SLC35D2: variants seen among roughly 807,000 people sequenced by gnomAD.
SLC35D2 encodes the protein solute carrier family 35 member D2.
A neutral mutation model predicts 41.8 loss-of-function variants in SLC35D2; 43 were observed. That is an observed-to-expected ratio of 1.03 (90% confidence interval 0.81 to 1.33). The LOEUF (loss-of-function observed/expected upper bound fraction) is 1.33, where lower values mean the gene tolerates loss of function less well. Ranked by LOEUF, SLC35D2 falls within the 40% of genes most tolerant of loss-of-function variation. The pLI, the probability that SLC35D2 is intolerant of heterozygous loss-of-function variation, is 0.00. For missense variants in SLC35D2, 380 were observed against 408.4 expected (o/e 0.93, Z 0.60); for synonymous variants, 150 against 163.9 (o/e 0.92, Z 0.65).
In SLC35D2 at chr9:96,323,238, C is replaced by T. The variant is rs1472488395; in HGVS notation, c.831+853G>A. On this transcript the variant is annotated intron_variant, in intron 10 of 11. Coordinates refer to ENST00000253270, the MANE Select transcript of SLC35D2 (RefSeq NM_007001.3). ...TTGAAGCAGGCAGTGTTTTCACACA[C>T]TCTAGGACTTCATGTGAATAGAAAA... Among the ~76,000 whole-genome samples the T allele has an allele frequency of 7.0e-4, 107 of 152,076 alleles. 1 individual carries two copies. Among genetic ancestry groups the T allele is most frequent in the Non-Finnish European group, 7.4e-5 (5 of 68,008 alleles).
chr9:96,319,019 A>G (rs1587821390), downstream of SLC35D2, among the ~76,000 whole-genome samples: 1 of 152,184 alleles, frequency 6.6e-6, no homozygotes, highest in African/African-American at 2.4e-5. Context: ...TTCTAGGCAT[A>G]TATCTAAAAA....
At chr9:96,321,515 GC>G (rs1301435350) in intron 11 of SLC35D2, among the ~76,000 whole-genome samples, 174 bp from the exon 12 acceptor site, 21 of 152,092 alleles carry the variant, frequency 1.4e-4, no homozygotes, top group Non-Finnish European at 2.9e-5. Flanking sequence ...TTATTTACAA[GC>G]CTTTGGAGGC....
intron 2 of SLC35D2, among the ~76,000 whole-genome samples, chr9:96,365,446 G>A (rs1475732972): frequency 1.3e-5 from 2 of 152,058 alleles, no homozygotes; most frequent in Non-Finnish European, 2.9e-5. Context: ...GAGGGAGAAA[G>A]GGAATGGTCT....
chr9:96,361,716 A>G (rs77929658), intron 3 of SLC35D2, among the ~76,000 whole-genome samples: 2 of 143,482 alleles, frequency 1.4e-5, no homozygotes, highest in African/African-American at 5.1e-5. Flanking sequence ...ACAAAAACAG[A>G]AAAAAAAAAA....
chr9:96,360,650 A>AAAAAG (rs1564116708), intron 3 of SLC35D2, among the ~76,000 whole-genome samples: 1 of 132,746 alleles, frequency 7.5e-6, no homozygotes, highest in African/African-American at 3.0e-5. Context: ...AAAAAAAAAA[A>AAAAAG]AAAAGAAAAG....
intron 8 of SLC35D2, among the ~76,000 whole-genome samples, chr9:96,337,732 A>C (rs531141527): frequency 2.0e-5 from 3 of 152,064 alleles, no homozygotes; most frequent in African/African-American, 7.2e-5. Flanking sequence ...TTGTAATCCC[A>C]GCACTTTGGG....
At chr9:96,324,378 C>T (rs1564084201) in intron 9 of SLC35D2, among the ~76,000 whole-genome samples, 1 of 152,160 alleles carries the variant, frequency 6.6e-6, no homozygotes, top group Non-Finnish European at 1.5e-5. Flanking sequence ...GCTAAACCTT[C>T]TACTTAAGGT....
intron 9 of SLC35D2, among the ~76,000 whole-genome samples, chr9:96,324,548 A>ATTTTTTTTTTTTTTTTTTTTT (rs1314032166): frequency 1.1e-5 from 1 of 88,480 alleles, no homozygotes; most frequent in Non-Finnish European, 2.2e-5. Context: ...CGCCTGCTGC[A>ATTTTTTTTTTTTTTTTTTTTT]CTTTTTTTTT....
chr9:96,363,783 T>TTAAATG (rs1484224687), intron 3 of SLC35D2, among the ~76,000 whole-genome samples: 2 of 152,220 alleles, frequency 1.3e-5, no homozygotes, highest in Admixed American at 1.3e-4. Context: ...TTGGAACACA[T>TTAAATG]GGACATCAAC....
intron 3 of SLC35D2, among the ~76,000 whole-genome samples, chr9:96,362,577 T>C (rs996282878): frequency 4.0e-5 from 6 of 151,530 alleles, no homozygotes; most frequent in Non-Finnish European, 7.4e-5. Flanking sequence ...AGCAAGAAAA[T>C]TATTGTTAGA....
intron 1 of SLC35D2, among the ~76,000 whole-genome samples, chr9:96,375,177 C>T (rs1587725164): frequency 6.6e-6 from 1 of 151,096 alleles, no homozygotes; most frequent in East Asian, 2.0e-4. Context: ...TTTTTAGTAG[C>T]GATAGGGTTT....
intron 1 of SLC35D2, among the ~76,000 whole-genome samples, chr9:96,372,564 T>G (rs1258562947): frequency 6.8e-6 from 1 of 146,878 alleles, no homozygotes; most frequent in East Asian, 2.0e-4. Context: ...GCTAAATAAT[T>G]AAATAATTAC....
intron 4 of SLC35D2, among the ~76,000 whole-genome samples, chr9:96,359,089 G>A (rs1030123899): frequency 9.9e-5 from 15 of 151,994 alleles, no homozygotes; most frequent in African/African-American, 3.6e-4. Flanking sequence ...CGGATCACGA[G>A]GTCAGGAGAT....
chr9:96,354,661 G>C (rs931212930), intron 4 of SLC35D2, among the ~76,000 whole-genome samples: 2 of 150,992 alleles, frequency 1.3e-5, no homozygotes, highest in East Asian at 3.9e-4. Context: ...CCAGTTATTT[G>C]GGAGACTAAG....
intron 8 of SLC35D2, among the ~76,000 whole-genome samples, chr9:96,341,904 A>C (rs868442866): frequency 1.3e-5 from 2 of 151,468 alleles, no homozygotes; most frequent in Non-Finnish European, 2.9e-5. Flanking sequence ...AGATGTTTTA[A>C]CAATATTTAG....
intron 2 of SLC35D2, among the ~76,000 whole-genome samples, chr9:96,366,074 G>T (rs2130995451): frequency 6.6e-6 from 1 of 152,218 alleles, no homozygotes; most frequent in South Asian, 2.1e-4. Flanking sequence ...AGGCCAAGGT[G>T]GGCAGATCGC....
chr9:96,363,102 C>T (rs1211975456), intron 3 of SLC35D2, among the ~76,000 whole-genome samples: 5 of 151,652 alleles, frequency 3.3e-5, no homozygotes, highest in East Asian at 1.9e-4. Flanking sequence ...CTCTTGAACT[C>T]GTGATCTGCC....
chr9:96,366,676 A>T (rs1462638646), intron 2 of SLC35D2, among the ~76,000 whole-genome samples: 1 of 151,156 alleles, frequency 6.6e-6, no homozygotes, highest in Non-Finnish European at 1.5e-5. Context: ...GAGTTTCACC[A>T]TGTTGTCCAG....
At chr9:96,367,470 A>G (rs1188022340) in intron 2 of SLC35D2, among the ~76,000 whole-genome samples, 1 of 152,176 alleles carries the variant, frequency 6.6e-6, no homozygotes, top group East Asian at 1.9e-4. Context: ...GAAATTTCAG[A>G]AACTGCCAAA....
Sources: gnomAD v4.1 joint callset for allele counts (sites outside exome capture counted in the v4.1 genomes callset) on GRCh38, gnomAD v4.1.1 for gene constraint, MANE v1.5 for transcripts, NCBI Gene and HGNC (gene_info 2026-07-23, HGNC 2026-07-21) for gene names.